The following SHANK2 variants were observed in gnomAD, a reference collection of about 807,000 sequenced individuals.
The protein encoded by SHANK2 is SH3 and multiple ankyrin repeat domains 2, also known as SH3 and multiple ankyrin repeat domains protein 2.
Under a neutral mutation model 133.7 loss-of-function variants are expected in SHANK2, and 43 were observed. The ratio of observed to expected loss-of-function variants is 0.32; its 90% confidence interval spans 0.25 to 0.41. The LOEUF (loss-of-function observed/expected upper bound fraction) is 0.41. Among genes scored for constraint, SHANK2 ranks in the 10% least tolerant of loss-of-function variants. The pLI is 1.00. For synonymous variants in SHANK2, 1,017 were observed against 952.8 expected (o/e 1.07, Z -1.24); for missense variants, 1,994 against 2,235.8 (o/e 0.89, Z 2.18).
chr11:70,580,250 T>C (rs10793153), intron 17 of SHANK2, among the ~76,000 whole-genome samples: 96,581 of 152,000 alleles, frequency 0.64, 31,074 homozygotes, highest in African/African-American at 0.73. Context: ...GGGCGTGGGG[T>C]GGCTGGGCTG....
At chr11:70,751,876 T>C (rs1158198688) in intron 14 of SHANK2, among the ~76,000 whole-genome samples, 1 of 152,148 alleles carries the variant, frequency 6.6e-6, no homozygotes, top group East Asian at 1.9e-4. Flanking sequence ...ATATAATTGT[T>C]TTAAAGCCTC....
chr11:71,168,801 G>A (rs1447223777), intron 2 of SHANK2, among the ~76,000 whole-genome samples: 4 of 134,910 alleles, frequency 3.0e-5, no homozygotes, highest in Admixed American at 2.9e-4. Flanking sequence ...AGAGGGAGAG[G>A]GAGACCATGG....
At chr11:70,650,821 C>T (rs548157278) in intron 17 of SHANK2, among the ~76,000 whole-genome samples, 20 of 152,322 alleles carry the variant, frequency 1.3e-4, no homozygotes, top group Non-Finnish European at 2.1e-4. Flanking sequence ...TGCTTTTTGC[C>T]TACCCCTTCT....
intron 17 of SHANK2, among the ~76,000 whole-genome samples, chr11:70,530,747 G>C (rs770578126): frequency 1.8e-4 from 28 of 152,228 alleles, no homozygotes; most frequent in Non-Finnish European, 3.4e-4. Flanking sequence ...AGAATGAAGA[G>C]CTAGTGTTTA....
At chr11:71,079,028 T>C (rs1951256939) in intron 8 of SHANK2, among the ~76,000 whole-genome samples, 3 of 152,170 alleles carry the variant, frequency 2.0e-5, no homozygotes, top group African/African-American at 7.2e-5. Context: ...CTGCCCTGCA[T>C]CAAAAGAGGA....
Position 70,807,149 on chromosome 11 carries a change from T to C in SHANK2, c.1516A>G (p.Asn506Asp). ...HVGSPFALGA[N>D]KDSLSAFEYP... ...TCGAAGGCCGAGAGTGAGTCCTTGTTGGCACCAAGAGCAAAAGGCGACCTG... is the reference window on the plus strand; with the variant it reads ...TCGAAGGCCGAGAGTGAGTCCTTGTCGGCACCAAGAGCAAAAGGCGACCTG... Residue 506 changes from asparagine to aspartate, a missense_variant, in exon 13 of 26, where the codon AAC becomes GAC. This residue lies in a region of SHANK2 where 653 missense variants were observed against 563.4 expected (regional missense o/e 1.16). Transcript: ENST00000601538. The surrounding 1 kb of genome is among the most constrained non-coding windows in gnomAD (Gnocchi z 4.8). The C allele has an allele frequency of 1.4e-6, 1 of 717,738 alleles. No individual in the cohort carries two copies. The highest frequency in any genetic ancestry group is 2.6e-6 in the Non-Finnish European group (1 of 384,912). 44.5% of individuals were successfully genotyped at this position (717,738 alleles called of 1,614,324 possible). A position where few individuals can be genotyped will look rare whatever the true frequency, so the allele number is the denominator to read the frequency against.
chr11:70,513,662 T>C (rs976324860), intron 17 of SHANK2, among the ~76,000 whole-genome samples: 2 of 152,202 alleles, frequency 1.3e-5, no homozygotes, highest in African/African-American at 4.8e-5. Flanking sequence ...GAAAATAGGC[T>C]TATAATGAAT....
intron 3 of SHANK2, among the ~76,000 whole-genome samples, chr11:71,146,097 G>C (rs1347806791): frequency 6.6e-6 from 1 of 152,164 alleles, no homozygotes; most frequent in Non-Finnish European, 1.5e-5. Flanking sequence ...ACATTCCCCA[G>C]GTGGACAGAC....
chr11:71,207,459 C>A (rs562224427), intron 2 of SHANK2, among the ~76,000 whole-genome samples: 1 of 152,124 alleles, frequency 6.6e-6, no homozygotes, highest in African/African-American at 2.4e-5. Context: ...GGATTACAGG[C>A]GTGAGACATC....
chr11:70,605,493 C>T (rs1297460575), intron 17 of SHANK2, among the ~76,000 whole-genome samples: 4 of 152,238 alleles, frequency 2.6e-5, no homozygotes, highest in South Asian at 2.1e-4. Flanking sequence ...CACCCTCCAG[C>T]GATTAGCACG....
At chr11:70,662,043 GGCGGCGGCAGCGGCGGCCTCAGCA>G (rs1944560393) in intron 15 of SHANK2, 1 of 516,084 alleles carries the variant, frequency 1.9e-6, no homozygotes, top group African/African-American at 1.9e-5. Flanking sequence ...CCCGAACGGC[GGCGGCGGCAGCGGCGGCCTCAGCA>G]GCGGCGGCGT....
intron 17 of SHANK2, among the ~76,000 whole-genome samples, chr11:70,520,047 C>A (rs1250545694): frequency 6.6e-6 from 1 of 151,866 alleles, no homozygotes; most frequent in Non-Finnish European, 1.5e-5. Context: ...CACGCCTGGT[C>A]TAGTCTTTGT....
intron 10 of SHANK2, among the ~76,000 whole-genome samples, chr11:70,905,361 G>A (rs917536595): frequency 5.3e-5 from 8 of 152,238 alleles, no homozygotes; most frequent in Middle Eastern, 3.4e-3. Flanking sequence ...ACAAAGTGCC[G>A]CATCCTATAC....
chr11:70,770,915 CTTTTTTTTT>C (rs71467419), intron 14 of SHANK2, among the ~76,000 whole-genome samples: 74 of 92,854 alleles, frequency 8.0e-4, no homozygotes, highest in African/African-American at 2.7e-3. Flanking sequence ...CTCTTACTTC[CTTTTTTTTT>C]TTTTTTTTTT....
At chr11:71,132,458 G>C (rs1170238670) in intron 3 of SHANK2, among the ~76,000 whole-genome samples, 1 of 152,152 alleles carries the variant, frequency 6.6e-6, no homozygotes, top group Non-Finnish European at 1.5e-5. Flanking sequence ...AGAACTTGTA[G>C]TAATTCCAGA....
chr11:70,667,302 G>C (rs535167563), intron 15 of SHANK2, among the ~76,000 whole-genome samples: 3 of 152,248 alleles, frequency 2.0e-5, no homozygotes, highest in South Asian at 2.1e-4. Context: ...TTGGAGGAGA[G>C]AGCATCAAAG....
At chr11:70,938,383 T>C (rs1215342082) in intron 10 of SHANK2, among the ~76,000 whole-genome samples, 8 of 152,210 alleles carry the variant, frequency 5.3e-5, no homozygotes, top group African/African-American at 1.7e-4. Context: ...CTCTGGAATA[T>C]TGTTGAATAC....
intron 21 of SHANK2, among the ~76,000 whole-genome samples, chr11:70,497,188 C>T (rs1555157326): frequency 2.6e-5 from 4 of 152,208 alleles, no homozygotes; most frequent in South Asian, 2.1e-4. Flanking sequence ...CTCTTGGGGA[C>T]GTGGCCAGTG....
At chr11:71,250,100 C>G (rs540774256) in intron 1 of SHANK2, among the ~76,000 whole-genome samples, 5 of 148,720 alleles carry the variant, frequency 3.4e-5, no homozygotes, top group African/African-American at 7.4e-5. Context: ...AAAGATCCCC[C>G]CAACAGACCG....
Sources: gnomAD v4.1 joint callset for allele counts (sites outside exome capture counted in the v4.1 genomes callset) on GRCh38, gnomAD v4.1.1 for gene constraint, gnomAD v4.1.1 regional missense constraint, Gnocchi (gnomAD v3.1) non-coding constraint, MANE v1.5 for transcripts, NCBI Gene and HGNC (gene_info 2026-07-23, HGNC 2026-07-21) for gene names.